MAPK6: variants seen among roughly 807,000 people sequenced by gnomAD.
MAPK6 encodes the protein mitogen-activated protein kinase 6, also known as ERK-3.
MAPK6 carries 19 observed loss-of-function variants against 59.3 expected under a neutral mutation model. That is an observed-to-expected ratio of 0.32 (90% CI 0.22 to 0.47). MAPK6 has a LOEUF of 0.47. Among genes scored for constraint, MAPK6 ranks in the 20% least tolerant of loss-of-function variants. MAPK6 has a pLI of 1.00. For missense variants in MAPK6, 724 were observed against 847.9 expected, an observed-to-expected ratio of 0.85 and a Z score of 1.81; for synonymous variants, 316 against 290.3, an observed-to-expected ratio of 1.09 and a Z score of -0.90.
At chr15:51,989,745 A>AT (rs1479708069) in intron 2 of MAPK6, among the ~76,000 whole-genome samples, 2 of 152,046 alleles carry the variant, frequency 1.3e-5, no homozygotes, top group Non-Finnish European at 2.9e-5. Flanking sequence ...GACTACAGGC[A>AT]TGTGCCACCA....
At chr15:52,019,501 G>C (rs1445393944) in intron 1 of MAPK6, 125 bp downstream of exon 1, 1 of 146,962 alleles carries the variant, frequency 6.8e-6, no homozygotes, top group African/African-American at 2.5e-5. Flanking sequence ...CATTGTGTGT[G>C]ACCCTCCGGC....
chr15:52,060,659 A>G (rs924712843), intron 4 of MAPK6, among the ~76,000 whole-genome samples: 1 of 152,202 alleles, frequency 6.6e-6, no homozygotes, highest in East Asian at 1.9e-4. Flanking sequence ...AGGAAGGCCT[A>G]CTAGACTATT....
At chr15:52,024,960 G>C (rs903372171) in intron 1 of MAPK6, among the ~76,000 whole-genome samples, 2 of 141,326 alleles carry the variant, frequency 1.4e-5, no homozygotes, top group African/African-American at 5.2e-5. Flanking sequence ...GCCTCCTAAC[G>C]TGCTGGGAAG....
Position 52,058,812 on chromosome 15 carries a change from GA to G in MAPK6, c.865+16del. The G allele has an allele frequency of 6.2e-7, 1 of 1,600,094 alleles. No homozygotes were observed. On this transcript the variant is annotated intron_variant, in intron 4 of 5. Coordinates refer to ENST00000261845, the MANE Select transcript of MAPK6 (RefSeq NM_002748.4). Reference sequence around the variant, plus strand: ...TAGTCGAGAAGGTATTGTGACTCGAGAGTAACCCTCACGTTAATGCCTGTGT... The same window carrying G: ...TAGTCGAGAAGGTATTGTGACTCGAGGTAACCCTCACGTTAATGCCTGTGT...
upstream of MAPK6, chr15:52,018,038 T>TA (rs1313897935): frequency 1.4e-5 from 2 of 142,900 alleles, no homozygotes; most frequent in African/African-American, 5.0e-5. Flanking sequence ...TACTCTGTGA[T>TA]TTTTTTTTTT....
intron 1 of MAPK6, among the ~76,000 whole-genome samples, chr15:52,025,189 C>T (rs959257697): frequency 6.6e-6 from 1 of 151,910 alleles, no homozygotes; most frequent in Non-Finnish European, 1.5e-5. Context: ...TGCAGTGAGC[C>T]GTGATCGCAC....
At chr15:52,060,529 G>A (rs1459236216) in intron 4 of MAPK6, among the ~76,000 whole-genome samples, 1 of 152,168 alleles carries the variant, frequency 6.6e-6, no homozygotes, top group Admixed American at 6.5e-5. Context: ...CATCAGTTTT[G>A]TGTGGCCAGG....
chr15:51,981,487 A>G lies in MAPK6; in HGVS notation c.-879-1719A>G, dbSNP rs952966445. 1.2e-4 allele frequency among the ~76,000 whole-genome samples: 18 copies of G among 152,156 alleles called. 1 individual carries two copies. Among genetic ancestry groups the G allele is most frequent in the African/African-American group, 3.9e-4 (16 of 41,522 alleles). ...ACTCCGTCTCAAAAAAAAAAAAGAA[A>G]AAGAAAAAAAAGAAAATTCAGACTT... On this transcript the variant is annotated intron_variant, in intron 1 of 7. Transcript: ENST00000691380.
At chr15:52,038,704 TGTTA>T (rs752354005) in intron 1 of MAPK6, among the ~76,000 whole-genome samples, 65 of 152,296 alleles carry the variant, frequency 4.3e-4, no homozygotes, top group Non-Finnish European at 7.5e-4. Flanking sequence ...ATTTCTTTAA[TGTTA>T]GTTAGGTTAG....
At chr15:52,035,272 A>G (rs1308578186) in intron 1 of MAPK6, among the ~76,000 whole-genome samples, 3 of 152,188 alleles carry the variant, frequency 2.0e-5, no homozygotes, top group Non-Finnish European at 2.9e-5. Flanking sequence ...TGCCTTGAAC[A>G]TGGTAGAGGC....
chr15:51,985,962 A>G (rs1449162133), intron 2 of MAPK6, among the ~76,000 whole-genome samples: 2 of 151,930 alleles, frequency 1.3e-5, no homozygotes, highest in Non-Finnish European at 2.9e-5. Flanking sequence ...CGTCTCAAAA[A>G]AAAAACAAAA....
rs568337067 is a variant in MAPK6 at position 52,064,938 on chromosome 15, A to G, written c.2104A>G (p.Met702Val). The G allele has an allele frequency of 1.6e-5, 26 of 1,611,902 alleles. No homozygotes were observed. In the East Asian group the frequency reaches 2.0e-4, roughly 12 times the overall value. Residue 702 changes from methionine to valine, a missense_variant, in exon 6 of 6, where the codon ATG becomes GTG. By Grantham distance (21) the Met-to-Val change is conservative. Coordinates refer to ENST00000261845, the MANE Select transcript of MAPK6 (RefSeq NM_002748.4). ...SIQATLTPSAMKSSPQIPHQT... is the reference protein window; with the variant it reads ...SIQATLTPSAVKSSPQIPHQT... ...ACAGGCCACATTAACACCTTCTGCT[A>G]TGAAATCTTCCCCTCAAATTCCTCA...
intron 2 of MAPK6, among the ~76,000 whole-genome samples, chr15:51,995,882 C>T (rs1418352113): frequency 1.3e-5 from 2 of 151,766 alleles, no homozygotes; most frequent in Non-Finnish European, 2.9e-5. Flanking sequence ...GAGCTGAGAT[C>T]ACAGCACTAC....
At chr15:51,977,518 C>A (rs2057160843) in intron 1 of MAPK6, among the ~76,000 whole-genome samples, 1 of 151,542 alleles carries the variant, frequency 6.6e-6, no homozygotes, top group Non-Finnish European at 1.5e-5. Context: ...CTACTCCAGC[C>A]TCCATTTATT....
At chr15:52,062,593 G>A (rs1045119281) in intron 5 of MAPK6, among the ~76,000 whole-genome samples, 9 of 151,864 alleles carry the variant, frequency 5.9e-5, no homozygotes, top group Non-Finnish European at 8.8e-5. Flanking sequence ...GGTGAAACCC[G>A]GTCTCTACTA....
At chr15:52,027,491 C>T (rs2141864416) in intron 1 of MAPK6, 1 of 151,284 alleles carries the variant, frequency 6.6e-6, no homozygotes, top group Non-Finnish European at 1.5e-5. Context: ...AGGCTTAATA[C>T]ATATTCTGAG....
chr15:52,019,591 G>C (rs1193700334), intron 1 of MAPK6, among the ~76,000 whole-genome samples: 1 of 146,080 alleles, frequency 6.8e-6, no homozygotes, highest in East Asian at 2.0e-4. Flanking sequence ...GCTCGGGCCT[G>C]GCCGGCGCGT....
chr15:52,063,904 A>G lies in MAPK6; in HGVS notation c.1070A>G (p.Tyr357Cys). The part of the protein sequence containing the change: ...THSHIYNWER[Y>C]HDCQFSEHDW... ...GCTAGTGTATTGATTTTTTTCAGGT[A>G]TCATGATTGTCAGTTTTCAGAGCAT... The change falls in exon 6 of 6, where the codon TAT (tyrosine) becomes TGT (cysteine). Residue 357 changes from tyrosine (Y) to cysteine (C), a missense_variant and splice_region_variant. Physicochemically the swap from Tyr to Cys is radical, Grantham distance 194. Around this residue, in one of 4 missense-constraint regions of MAPK6, gnomAD observed 502 missense variants for 507.6 expected, o/e 0.99. Coordinates refer to ENST00000261845, the MANE Select transcript of MAPK6 (RefSeq NM_002748.4). 6.5e-7 allele frequency: 1 copy of G among 1,535,450 alleles called. No individual in the cohort carries two copies. The highest frequency in any genetic ancestry group is 8.7e-7 in the Non-Finnish European group (1 of 1,143,092).
intron 3 of MAPK6, among the ~76,000 whole-genome samples, chr15:52,005,153 C>T (rs1398272825): frequency 6.6e-6 from 1 of 152,154 alleles, no homozygotes; most frequent in African/African-American, 2.4e-5. Flanking sequence ...AAATAAGTTA[C>T]CCCAAAAGGT....
Sources: gnomAD v4.1 joint callset for allele counts (sites outside exome capture counted in the v4.1 genomes callset) on GRCh38, gnomAD v4.1.1 for gene constraint, gnomAD v4.1.1 regional missense constraint, MANE v1.5 for transcripts, NCBI Gene and HGNC (gene_info 2026-07-23, HGNC 2026-07-21) for gene names.